MB21D2: variants seen among roughly 807,000 people sequenced by gnomAD.
The protein encoded by MB21D2 is Mab-21 domain containing 2, also known as nucleotidyltransferase MB21D2.
In MB21D2, 9 loss-of-function variants were observed where a neutral mutation model predicts 33.3. The observed-to-expected ratio is 0.27, with a 90% CI of 0.16 to 0.47. The LOEUF (loss-of-function observed/expected upper bound fraction) is 0.47, where lower values mean the gene tolerates loss of function less well. Among genes scored for constraint, MB21D2 ranks in the 20% least tolerant of loss-of-function variants. The pLI is 0.99. For missense variants in MB21D2, 540 were observed against 624.6 expected, an observed-to-expected ratio of 0.86 and a Z score of 1.44; for synonymous variants, 241 against 236.3, an observed-to-expected ratio of 1.02 and a Z score of -0.18.
intron 1 of MB21D2, among the ~76,000 whole-genome samples, chr3:192,874,673 G>A (rs1713390592): frequency 6.6e-6 from 1 of 152,154 alleles, no homozygotes; most frequent in Non-Finnish European, 1.5e-5. Context: ...GCCCTGGAAA[G>A]CTGACCTCTA....
In MB21D2 at chr3:192,893,803, C is replaced by T. The variant is rs11923130; in HGVS notation, c.211+23827G>A. ...TAATCTCAGCACTTTGGGAGGCCCACGGTGGGAGGATCGCTTGAGGCCAGG... is the reference window on the plus strand; with the variant it reads ...TAATCTCAGCACTTTGGGAGGCCCATGGTGGGAGGATCGCTTGAGGCCAGG... On this transcript the variant is annotated intron_variant, in intron 1 of 1. Transcript: ENST00000392452. Among the ~76,000 whole-genome samples the T allele has an allele frequency of 1.3e-3, 196 of 152,020 alleles. 1 individual carries two copies. The highest frequency in any genetic ancestry group is 4.3e-3 in the African/African-American group (178 of 41,444).
chr3:192,869,710 C>T (rs1713249320), intron 1 of MB21D2, among the ~76,000 whole-genome samples: 1 of 152,132 alleles, frequency 6.6e-6, no homozygotes, highest in Non-Finnish European at 1.5e-5. Flanking sequence ...CACTTGGGGC[C>T]ATGGCCAGTT....
At chr3:192,844,071 A>C (rs550760345) in intron 1 of MB21D2, among the ~76,000 whole-genome samples, 1 of 152,152 alleles carries the variant, frequency 6.6e-6, no homozygotes, top group East Asian at 1.9e-4. Flanking sequence ...TTTCTGCTCA[A>C]CTTTTTTCTT....
intron 1 of MB21D2, among the ~76,000 whole-genome samples, chr3:192,842,991 G>A (rs947325706): frequency 3.3e-5 from 5 of 152,334 alleles, no homozygotes; most frequent in African/African-American, 7.2e-5. Context: ...GGTGAAAAGA[G>A]CACATGTGGC....
chr3:192,855,150 G>C (rs1577184736), intron 1 of MB21D2, among the ~76,000 whole-genome samples: 2 of 152,080 alleles, frequency 1.3e-5, no homozygotes, highest in African/African-American at 2.4e-5. Context: ...CAGAGCTGGA[G>C]TGCAATGGTG....
chr3:192,864,457 T>C (rs749290778), intron 1 of MB21D2, among the ~76,000 whole-genome samples: 1 of 152,182 alleles, frequency 6.6e-6, no homozygotes, highest in Non-Finnish European at 1.5e-5. Context: ...GCAATCCTTC[T>C]CCCTTGCCCT....
intron 1 of MB21D2, among the ~76,000 whole-genome samples, chr3:192,818,962 T>C (rs891367805): frequency 6.6e-6 from 1 of 150,466 alleles, no homozygotes; most frequent in Non-Finnish European, 1.5e-5. Flanking sequence ...CAGTTCTCAA[T>C]TAACTGAATA....
rs536656720 is a variant in MB21D2, at chr3:192,887,702, T to G, written c.211+29928A>C. 3.3e-5 allele frequency among the ~76,000 whole-genome samples: 5 copies of G among 152,282 alleles called. No individual in the cohort carries two copies. In the South Asian group the frequency reaches 1.0e-3, roughly 32 times the overall value. ...TGGCTTAGCCCAACAAAAAATATTT[T>G]TTCCCTTTACTAACAGGTTGCTTTG... On this transcript the variant is annotated intron_variant, in intron 1 of 1. Transcript: ENST00000392452.
intron 1 of MB21D2, among the ~76,000 whole-genome samples, chr3:192,849,967 G>A (rs569969800): frequency 2.0e-5 from 3 of 149,324 alleles, no homozygotes; most frequent in East Asian, 2.0e-4. Context: ...CACCCAGGCC[G>A]GAGTGCAGTG....
In MB21D2 at chr3:192,797,261, A is replaced by G. The variant is rs12481; in HGVS notation, c.*1125T>C. On this transcript the variant is annotated 3_prime_UTR_variant, in exon 2 of 2. Transcript: ENST00000392452. Reference sequence around the variant, plus strand: ...ACGTGGTATCTTCTATTTGGGGATTATAAGTTCTTCCTGCCAGTTTTTCTC... The same window carrying G: ...ACGTGGTATCTTCTATTTGGGGATTGTAAGTTCTTCCTGCCAGTTTTTCTC... The G allele has an allele frequency of 0.63, 96,306 of 152,484 alleles. 31,836 individuals are homozygous for G. Among genetic ancestry groups the G allele is most frequent in the African/African-American group, 0.83 (34,566 of 41,502 alleles). 9.4% of individuals were successfully genotyped at this position (152,484 alleles called of 1,614,324 possible). A position where few individuals can be genotyped will look rare whatever the true frequency, so the allele number is the denominator to read the frequency against.
At position 192,896,372 on chromosome 3, in the gene MB21D2, T is replaced by C. The variant is rs138398518; in HGVS notation, c.211+21258A>G. On this transcript the variant is annotated intron_variant, in intron 1 of 1. Transcript: ENST00000392452. ...ACACAACCCAGCGTCCTTCGCCTTT[T>C]TTTGTTTCAGAGATGAGGTCTTTCT... Among the ~76,000 whole-genome samples the C allele has an allele frequency of 4.5e-3, 687 of 152,328 alleles. 1 individual carries two copies. Among genetic ancestry groups the C allele is most frequent in the Non-Finnish European group, 7.1e-3 (481 of 68,036 alleles).
chr3:192,800,664 A>G (rs913065453), intron 1 of MB21D2, among the ~76,000 whole-genome samples: 1 of 149,184 alleles, frequency 6.7e-6, no homozygotes, highest in Non-Finnish European at 1.5e-5. Flanking sequence ...GGAAATAACC[A>G]TAAAACCCGT....
At chr3:192,881,454 C>CCCAT (rs1250878120) in intron 1 of MB21D2, among the ~76,000 whole-genome samples, 1 of 152,074 alleles carries the variant, frequency 6.6e-6, no homozygotes, top group Admixed American at 6.5e-5. Flanking sequence ...ACCTTCCCTC[C>CCCAT]CCATTATTTT....
intron 1 of MB21D2, among the ~76,000 whole-genome samples, chr3:192,855,088 T>C (rs1394471777): frequency 6.6e-6 from 1 of 151,316 alleles, no homozygotes. Context: ...ATTATCAGCA[T>C]TTTTTAGCAA....
At chr3:192,901,411 TTCAAAAAAA>T (rs1344686368) in intron 1 of MB21D2, among the ~76,000 whole-genome samples, 3 of 28,136 alleles carry the variant, frequency 1.1e-4, no homozygotes, top group African/African-American at 1.6e-4. Flanking sequence ...CTACTAAAAA[TTCAAAAAAA>T]AAAAAAAAAA....
chr3:192,917,587 ACACACACACACG>A (rs1408507795), intron 1 of MB21D2, 31 bp downstream of exon 1: 7 of 1,411,624 alleles, frequency 5.0e-6, no homozygotes, highest in Non-Finnish European at 6.8e-6. Flanking sequence ...GCTTCCCATC[ACACACACACACG>A]CACACACACC....
intron 1 of MB21D2, among the ~76,000 whole-genome samples, chr3:192,862,328 C>T (rs1418673959): frequency 6.6e-6 from 1 of 152,148 alleles, no homozygotes; most frequent in East Asian, 1.9e-4. Flanking sequence ...TTAAAGCTCC[C>T]TCTCTCCTCT....
At chr3:192,827,041 C>T (rs1712187686) in intron 1 of MB21D2, among the ~76,000 whole-genome samples, 1 of 151,982 alleles carries the variant, frequency 6.6e-6, no homozygotes, top group Non-Finnish European at 1.5e-5. Context: ...ACAGTAGGTG[C>T]CCACCACCAC....
In MB21D2 at chr3:192,852,100, T is replaced by C. The variant is rs533193768; in HGVS notation, c.212-52450A>G. Among the ~76,000 whole-genome samples the C allele has an allele frequency of 2.0e-5, 3 of 152,332 alleles. No individual in the cohort carries two copies. In the South Asian group the frequency reaches 6.2e-4, roughly 32 times the overall value. ...GTGGCTGAGGGTCAAGGGCAGGTTC[T>C]GCCAACAGGGGAAATGATCAGAAAG... On this transcript the variant is annotated intron_variant, in intron 1 of 1. Coordinates refer to ENST00000392452, the MANE Select transcript of MB21D2 (RefSeq NM_178496.4).
Sources: allele counts gnomAD v4.1 joint callset (sites outside exome capture counted in the v4.1 genomes callset), GRCh38; gene constraint gnomAD v4.1.1; transcripts MANE v1.5; gene names NCBI Gene and HGNC (gene_info 2026-07-23, HGNC 2026-07-21).